The following PSMG2 variants were observed in gnomAD, a reference collection of about 807,000 sequenced individuals.
The protein encoded by PSMG2 is CD40 ligand-activated specific transcript 3.
Under a neutral mutation model 31.5 loss-of-function variants are expected in PSMG2, and 21 were observed. That is an observed-to-expected ratio of 0.67 (90% confidence interval 0.47 to 0.96). PSMG2 has a LOEUF of 0.96. Among genes scored for constraint, PSMG2 ranks in the 40% least tolerant of loss-of-function variants. The probability of loss-of-function intolerance (pLI) is 0.00; values close to 1 mark genes in which losing one functional copy is unlikely to be tolerated. For synonymous variants in PSMG2, 120 were observed against 110.4 expected, an observed-to-expected ratio of 1.09 and a Z score of -0.54; for missense variants, 318 against 321.2, an observed-to-expected ratio of 0.99 and a Z score of 0.08.
intron 1 of PSMG2, among the ~76,000 whole-genome samples, chr18:12,673,964 T>C (rs1035053288): frequency 6.6e-6 from 1 of 152,230 alleles, no homozygotes; most frequent in Non-Finnish European, 1.5e-5. Flanking sequence ...ATTCAAATTA[T>C]AGACTATTTC....
intron 3 of PSMG2, among the ~76,000 whole-genome samples, chr18:12,715,275 G>A (rs2040366431): frequency 6.6e-6 from 1 of 151,906 alleles, no homozygotes; most frequent in Non-Finnish European, 1.5e-5. Context: ...TCCCAAAGTA[G>A]TGGGATTACA....
chr18:12,673,396 A>C (rs2038999295), intron 1 of PSMG2: 1 of 1,607,610 alleles, frequency 6.2e-7, no homozygotes, highest in Non-Finnish European at 8.5e-7. Flanking sequence ...ACAAGCAAAC[A>C]TGATCCAAAC....
chr18:12,669,448 A>G (rs1031906341), intron 1 of PSMG2, among the ~76,000 whole-genome samples: 9 of 151,890 alleles, frequency 5.9e-5, no homozygotes, highest in Admixed American at 1.3e-4. Context: ...CCATCTCACT[A>G]TGTTGACCAG....
chr18:12,724,197 T>A (rs2040454773), intron 5 of PSMG2: 1 of 259,680 alleles, frequency 3.9e-6, no homozygotes, highest in Non-Finnish European at 7.2e-6. Context: ...TCTTCTGAAG[T>A]AGGTTTGGGG....
Position 12,683,186 on chromosome 18 carries a change from C to CA in PSMG2, c.-36-23346dup, listed in dbSNP as rs765652085. Reference sequence around the variant, plus strand: ...GAAACCCCATCTCTACTAAAAATACCAAAAAAAAAAAAAAAAAAGCCAGGC... The same window carrying CA: ...GAAACCCCATCTCTACTAAAAATACCAAAAAAAAAAAAAAAAAAAGCCAGGC... On this transcript the variant is annotated intron_variant, in intron 1 of 6. Coordinates refer to the PSMG2 transcript ENST00000585331. 9.0e-3 allele frequency among the ~76,000 whole-genome samples: 571 copies of CA among 63,650 alleles called. 23 individuals are homozygous for CA. Among genetic ancestry groups the CA allele is most frequent in the East Asian group, 0.05 (99 of 1,994 alleles). 41.8% of individuals were successfully genotyped at this position (63,650 alleles called of 152,430 possible). A position where few individuals can be genotyped will look rare whatever the true frequency, so the allele number is the denominator to read the frequency against.
At chr18:12,716,009 C>G (rs774977222) in intron 3 of PSMG2, among the ~76,000 whole-genome samples, 1 of 152,228 alleles carries the variant, frequency 6.6e-6, no homozygotes, top group Non-Finnish European at 1.5e-5. Flanking sequence ...TATATACTTA[C>G]AGCATCTAGC....
upstream of PSMG2, chr18:12,698,718 G>A (rs2040047089): frequency 2.3e-6 from 1 of 432,824 alleles, no homozygotes; most frequent in Non-Finnish European, 4.1e-6. Flanking sequence ...ATAACACTAT[G>A]CACATAATAG....
In PSMG2 at chr18:12,688,320, G is replaced by C. The variant is rs183532568; in HGVS notation, c.-36-18230G>C. 2.3e-4 allele frequency among the ~76,000 whole-genome samples: 35 copies of C among 150,426 alleles called. No homozygotes were observed. The East Asian group carries it at 5.8e-3, about 25-fold the overall frequency. ...TTTCTTGCACTAAAAAGTTCAAAAA[G>C]CATCATTCAATGAATTACTACTATA... On this transcript the variant is annotated intron_variant, in intron 1 of 6. Transcript: ENST00000585331.
chr18:12,687,597 T>C (rs2039588123), intron 1 of PSMG2, among the ~76,000 whole-genome samples: 1 of 151,434 alleles, frequency 6.6e-6, no homozygotes, highest in Non-Finnish European at 1.5e-5. Flanking sequence ...GGATTACAGG[T>C]ATGTGCCACC....
Position 12,706,609 on chromosome 18 carries a change from G to A in PSMG2, c.117G>A (p.Leu39=), listed in dbSNP as rs1396977809. The change falls in exon 2 of 7, where the codon CTG becomes CTA. Residue 39 remains leucine, a synonymous_variant. Coordinates refer to ENST00000317615, the MANE Select transcript of PSMG2 (RefSeq NM_020232.5). The part of the protein sequence containing the change: ...QLAMDLIIST[L]NMSKIGYFYT... The stretch of plus-strand genomic sequence containing the variant: ...CAATGGATCTGATTATTTCTACACT[G>A]AATATGTCTAAGATTGGTTACTTCT... 6.2e-7 allele frequency: 1 copy of A among 1,614,068 alleles called. No individual in the cohort carries two copies. The highest frequency in any genetic ancestry group is 8.5e-7 in the Non-Finnish European group (1 of 1,179,978).
At chr18:12,680,610 A>C in intron 1 of PSMG2, 19 of 1,398,568 alleles carry the variant, frequency 1.4e-5, no homozygotes, top group Admixed American at 2.3e-5. Context: ...AAAAAAAAAA[A>C]AAAAAAACTT....
chr18:12,701,337 C>T (rs2040143202), upstream of PSMG2, among the ~76,000 whole-genome samples: 1 of 152,140 alleles, frequency 6.6e-6, no homozygotes, highest in African/African-American at 2.4e-5. Flanking sequence ...AAACAACACT[C>T]AACCAAAAGG....
At chr18:12,696,228 G>A (rs989127431) in intron 1 of PSMG2, among the ~76,000 whole-genome samples, 7 of 152,094 alleles carry the variant, frequency 4.6e-5, no homozygotes, top group East Asian at 3.8e-4. Flanking sequence ...ATTACTGGCT[G>A]GGCGCGGTGA....
intron 1 of PSMG2, 37 bp from the exon 2 acceptor site, chr18:12,706,511 ATT>A: frequency 6.2e-7 from 1 of 1,602,094 alleles, no homozygotes. Context: ...AGTGCTGCTA[ATT>A]TTGGTGACTT....
chr18:12,723,581 G>A (rs1598689516), intron 5 of PSMG2, among the ~76,000 whole-genome samples: 3 of 151,966 alleles, frequency 2.0e-5, no homozygotes, highest in South Asian at 4.2e-4. Flanking sequence ...TAGTAGAGAC[G>A]GGGTTTCACC....
chr18:12,704,994 A>G (rs2040249911), intron 1 of PSMG2, among the ~76,000 whole-genome samples: 1 of 152,232 alleles, frequency 6.6e-6, no homozygotes, highest in Non-Finnish European at 1.5e-5. Flanking sequence ...AGCCTCAATA[A>G]AAATTAGGCA....
chr18:12,678,656 A>G (rs1042621868), intron 1 of PSMG2, among the ~76,000 whole-genome samples: 9 of 152,132 alleles, frequency 5.9e-5, no homozygotes, highest in African/African-American at 2.2e-4. Flanking sequence ...TTAACAACAG[A>G]ATACATTCTA....
intron 1 of PSMG2, among the ~76,000 whole-genome samples, chr18:12,681,220 T>C: frequency 6.8e-6 from 1 of 146,846 alleles, no homozygotes; most frequent in South Asian, 2.2e-4. Context: ...AAAATGTTTA[T>C]AAAGAACTCA....
upstream of PSMG2, among the ~76,000 whole-genome samples, chr18:12,698,223 T>C (rs770373237): frequency 9.9e-5 from 15 of 151,824 alleles, no homozygotes; most frequent in Non-Finnish European, 1.8e-4. Context: ...AATTTATAAA[T>C]ATTTATTCAT....
Sources: gnomAD v4.1 joint callset for allele counts (sites outside exome capture counted in the v4.1 genomes callset) on GRCh38, gnomAD v4.1.1 for gene constraint, MANE v1.5 for transcripts, NCBI Gene and HGNC (gene_info 2026-07-23, HGNC 2026-07-21) for gene names.